EIF5B: variants seen among roughly 807,000 people sequenced by gnomAD.
EIF5B encodes the protein eIF-5B.
EIF5B carries 47 observed loss-of-function variants against 147.5 expected under a neutral mutation model. The ratio of observed to expected loss-of-function variants is 0.32; its 90% CI spans 0.25 to 0.41. The LOEUF is 0.41. Ranked by LOEUF, EIF5B falls within the 10% of genes least tolerant of loss-of-function variation. EIF5B has a pLI of 1.00. For synonymous variants in EIF5B, 455 were observed against 456.2 expected, an observed-to-expected ratio of 1.00 and a Z score of 0.03; for missense variants, 1,064 against 1,413.2, an observed-to-expected ratio of 0.75 and a Z score of 3.96.
chr2:99,382,732 T>A, intron 13 of EIF5B, 48 bp from the exon 14 acceptor site: 1 of 1,521,622 alleles, frequency 6.6e-7, no homozygotes, highest in South Asian at 1.3e-5. Flanking sequence ...AAGAAAAGTA[T>A]TAATTTCAAG....
intron 14 of EIF5B, among the ~76,000 whole-genome samples, chr2:99,387,188 A>G (rs1267946296): frequency 1.3e-5 from 2 of 152,180 alleles, no homozygotes; most frequent in Non-Finnish European, 2.9e-5. Flanking sequence ...GATTTCAGGC[A>G]TGAGCCACCG....
chr2:99,387,892 C>T (rs952410875), intron 14 of EIF5B, among the ~76,000 whole-genome samples: 1 of 152,068 alleles, frequency 6.6e-6, no homozygotes, highest in East Asian at 1.9e-4. Flanking sequence ...AGGCTGGTCT[C>T]GAACACCTGG....
rs904942416 is a variant in EIF5B at position 99,360,562 on chromosome 2, C to A, written c.246+13C>A. 1.2e-6 allele frequency: 2 copies of A among 1,602,650 alleles called. No homozygotes were observed. The highest frequency in any genetic ancestry group is 1.3e-5 in the African/African-American group (1 of 74,302). ...TGTTGCAGTGAAGGTGAAAGACAGA[C>A]CTTTGTTACCTATTCGTATTTCGTA... On this transcript the variant is annotated intron_variant, in intron 3 of 23. Coordinates refer to ENST00000289371, the MANE Select transcript of EIF5B (RefSeq NM_015904.4).
At chr2:99,365,381 G>A (rs558545860) in intron 6 of EIF5B, among the ~76,000 whole-genome samples, 6 of 152,190 alleles carry the variant, frequency 3.9e-5, no homozygotes, top group Middle Eastern at 3.4e-3. Flanking sequence ...TTTTTCTTAC[G>A]CATATGTTCA....
Position 99,396,766 on chromosome 2 carries a change from A to G in EIF5B, c.3261A>G (p.Ile1087Met). 1 of 1,605,738 alleles carries G rather than the reference A, an allele frequency of 6.2e-7. No individual in the cohort carries two copies. The highest frequency in any genetic ancestry group is 8.5e-7 in the Non-Finnish European group (1 of 1,177,708). Residue 1087 changes from isoleucine (I) to methionine (M), a missense_variant, in exon 22 of 24, where the codon ATA (isoleucine) becomes ATG (methionine). Physicochemically the swap from Ile to Met is conservative, Grantham distance 10 (BLOSUM62 1). Transcript: ENST00000289371. ...TTTTCTTTTTTCCTTTCAGGCACAT[A>G]GCAGTATTTCCCTGCAAGATAAAAA... ...KKQKQEEFKH[I>M]AVFPCKIKIL...
In EIF5B at chr2:99,399,148, A is replaced by G. The variant is rs1675140824; in HGVS notation, c.3556-159A>G. 1.0e-5 allele frequency: 8 copies of G among 789,340 alleles called. No individual in the cohort carries two copies. The South Asian group carries it at 1.5e-4, about 15-fold the overall frequency. The allele number at this position is 789,340 out of a possible 1,614,324, so 48.9% of individuals were successfully genotyped here. Reference sequence around the variant, plus strand: ...TCCCCTCGTGCCTGACATGCAAACCAGATGTGATTTTGGAATTCTACTCCC... The same window carrying G: ...TCCCCTCGTGCCTGACATGCAAACCGGATGTGATTTTGGAATTCTACTCCC... On this transcript the variant is annotated intron_variant, in intron 23 of 23. Transcript: ENST00000289371.
intron 6 of EIF5B, 60 bp downstream of exon 6, chr2:99,364,481 C>G (rs1413928698): frequency 1.4e-6 from 2 of 1,431,894 alleles, no homozygotes; most frequent in Non-Finnish European, 1.9e-6. Flanking sequence ...AGTTATATCC[C>G]TTAATGTTCA....
At chr2:99,338,210 C>T (rs750222584) in intron 1 of EIF5B, 10 of 795,806 alleles carry the variant, frequency 1.3e-5, no homozygotes, top group Admixed American at 2.4e-5. Context: ...TAGCCTTCCC[C>T]TAAGAAAGGA....
intron 1 of EIF5B, among the ~76,000 whole-genome samples, chr2:99,359,039 T>C (rs567396887): frequency 2.0e-5 from 3 of 152,240 alleles, no homozygotes; most frequent in South Asian, 4.1e-4. Context: ...ATATTTATAA[T>C]ATGGTTGAAA....
chr2:99,352,641 T>G (rs1673995545), intron 1 of EIF5B, among the ~76,000 whole-genome samples: 1 of 151,794 alleles, frequency 6.6e-6, no homozygotes. Flanking sequence ...CGTGCCTGGC[T>G]AATTTTTTTT....
At position 99,369,479 on chromosome 2, in the gene EIF5B, C is replaced by T; in HGVS notation, c.1475C>T (p.Pro492Leu). ...GAAGAGACACCACCTCCTGTTGAAC[C>T]AGGCGGGTAGTGTTATCTGATTATT... ...EKEETPPPVEPEEEEDTEDAG... is the reference protein window; with the variant it reads ...EKEETPPPVELEEEEDTEDAG... The change falls in exon 8 of 24, where the codon CCA becomes CTA. Residue 492 changes from proline to leucine, a missense_variant and splice_region_variant. By Grantham distance (98) the Pro-to-Leu change is moderately conservative. Transcript: ENST00000289371. 5 of 1,607,644 alleles carry T rather than the reference C, an allele frequency of 3.1e-6. No homozygotes were observed. Among genetic ancestry groups the T allele is most frequent in the Non-Finnish European group, 4.3e-6 (5 of 1,175,784 alleles).
intron 1 of EIF5B, among the ~76,000 whole-genome samples, chr2:99,358,355 C>T (rs1674137473): frequency 6.6e-6 from 1 of 152,158 alleles, no homozygotes; most frequent in Non-Finnish European, 1.5e-5. Flanking sequence ...GTGTGAGACA[C>T]TGCATCCAGG....
intron 14 of EIF5B, among the ~76,000 whole-genome samples, chr2:99,388,513 T>G (rs1674855602): frequency 6.6e-6 from 1 of 152,214 alleles, no homozygotes; most frequent in African/African-American, 2.4e-5. Context: ...TTTATGTTTT[T>G]ATTTCTTTAA....
chr2:99,373,327 C>A (rs1674493022), intron 9 of EIF5B, among the ~76,000 whole-genome samples: 2 of 152,186 alleles, frequency 1.3e-5, no homozygotes, highest in Non-Finnish European at 2.9e-5. Flanking sequence ...AAGATCAAGG[C>A]ACCAGCATTG....
At chr2:99,366,892 A>G (rs1462821109) in intron 6 of EIF5B, among the ~76,000 whole-genome samples, 1 of 152,252 alleles carries the variant, frequency 6.6e-6, no homozygotes, top group Non-Finnish European at 1.5e-5. Flanking sequence ...AAACAGATAA[A>G]TAGTCTATAC....
intron 9 of EIF5B, among the ~76,000 whole-genome samples, chr2:99,375,739 T>C (rs1011373101): frequency 6.6e-6 from 1 of 152,208 alleles, no homozygotes; most frequent in African/African-American, 2.4e-5. Context: ...TTTTAGCATA[T>C]AGACAAACAC....
chr2:99,337,670 C>A (rs1325406208), intron 1 of EIF5B, 81 bp downstream of exon 1: 3 of 1,505,680 alleles, frequency 2.0e-6, no homozygotes, highest in East Asian at 4.8e-5. Flanking sequence ...CGGCGTCGGA[C>A]CGGGGTCTGG....
intron 1 of EIF5B, among the ~76,000 whole-genome samples, chr2:99,359,206 CA>C (rs70940172): frequency 0.029 from 4,068 of 140,590 alleles, 126 homozygotes; most frequent in African/African-American, 0.082. Context: ...ACTTAAAATA[CA>C]AAAAAAAAAA....
intron 9 of EIF5B, among the ~76,000 whole-genome samples, chr2:99,375,708 A>G (rs1378435421): frequency 6.6e-6 from 1 of 152,126 alleles, no homozygotes; most frequent in African/African-American, 2.4e-5. Flanking sequence ...TTAAGGTTTT[A>G]CTGTTAAGTG....
Sources: gnomAD v4.1 joint callset for allele counts (sites outside exome capture counted in the v4.1 genomes callset) on GRCh38, gnomAD v4.1.1 for gene constraint, MANE v1.5 for transcripts, NCBI Gene and HGNC (gene_info 2026-07-23, HGNC 2026-07-21) for gene names.